SCN2A: variants seen among roughly 807,000 people sequenced by gnomAD.
SCN2A encodes the protein sodium channel protein type 2 subunit alpha.
A neutral mutation model predicts 188.7 loss-of-function variants in SCN2A; 20 were observed. That is an observed-to-expected ratio of 0.11 (90% CI 0.07 to 0.15). The LOEUF is 0.15. Among genes scored for constraint, SCN2A ranks in the 10% least tolerant of loss-of-function variants. The pLI, the probability that SCN2A is intolerant of heterozygous loss-of-function variation, is 1.00. For synonymous variants in SCN2A, 804 were observed against 833.1 expected (o/e 0.97, Z 0.60); for missense variants, 1,278 against 2,445.0 (o/e 0.52, Z 10.07).
Position 165,386,877 on chromosome 2 carries a change from C to G in SCN2A, c.4683C>G (p.Asn1561Lys), listed in dbSNP as rs1379550929. The change falls in exon 26 of 27, where the codon AAC becomes AAG. Residue 1561 changes from asparagine (N) to lysine (K), a missense_variant. By Grantham distance (94) the Asn-to-Lys change is moderately conservative. This residue lies in a region of SCN2A where 97 missense variants were observed against 266.1 expected (regional missense o/e 0.36). Transcript: ENST00000375437. ...ATGACCAGAGTCAAGAAATGACAAA[C>G]ATTCTGTACTGGATTAATCTGGTGT... ...ETDDQSQEMT[N>K]ILYWINLVFI... The G allele has an allele frequency of 1.2e-6, 2 of 1,613,812 alleles. No individual in the cohort carries two copies. Among genetic ancestry groups the G allele is most frequent in the Non-Finnish European group, 1.7e-6 (2 of 1,179,948 alleles).
chr2:165,338,485 C>T (rs978326677), intron 14 of SCN2A, among the ~76,000 whole-genome samples: 3 of 151,996 alleles, frequency 2.0e-5, no homozygotes, highest in Non-Finnish European at 4.4e-5. Context: ...TGGTCTTGAT[C>T]TCCTGACCTC....
At chr2:165,293,872 T>A (rs1696345530) in intron 1 of SCN2A, 1 of 984,934 alleles carries the variant, frequency 1.0e-6, no homozygotes, top group South Asian at 4.7e-5. Flanking sequence ...TGTGAAGGTG[T>A]TTCTCTTCAC....
chr2:165,295,755 C>T lies in SCN2A; in HGVS notation c.-51-18C>T. ...TATTCTAATGGTCATTGCTTTTTTT[C>T]CCTCCCTGTTTCTGTAGCACTTTCT... On this transcript the variant is annotated intron_variant, in intron 1 of 26. Coordinates refer to ENST00000375437, the MANE Select transcript of SCN2A (RefSeq NM_001040142.2). The T allele has an allele frequency of 1.3e-5, 21 of 1,609,120 alleles. No individual in the cohort carries two copies. In the South Asian group the frequency reaches 1.7e-4, roughly 13 times the overall value.
chr2:165,292,263 A>G (rs964318740), intron 1 of SCN2A, among the ~76,000 whole-genome samples: 1 of 152,202 alleles, frequency 6.6e-6, no homozygotes, highest in South Asian at 2.1e-4. Flanking sequence ...TAAAGTGACT[A>G]AAATATTATT....
intron 1 of SCN2A, among the ~76,000 whole-genome samples, chr2:165,250,071 T>C (rs543227508): frequency 2.6e-5 from 4 of 152,154 alleles, no homozygotes; most frequent in Admixed American, 1.3e-4. Flanking sequence ...TCTCTACACT[T>C]GTAATGTGAA....
intron 1 of SCN2A, chr2:165,269,128 T>C (rs1321879990): frequency 6.6e-6 from 1 of 151,946 alleles, no homozygotes; most frequent in Non-Finnish European, 1.5e-5. Flanking sequence ...TATTCAAAAA[T>C]TGCTATGTGT....
chr2:165,347,530 G>T (rs1312604477), intron 16 of SCN2A, among the ~76,000 whole-genome samples: 1 of 152,018 alleles, frequency 6.6e-6, no homozygotes, highest in African/African-American at 2.4e-5. Flanking sequence ...ACCATGGCAA[G>T]TGTATATGTA....
intron 20 of SCN2A, 81 bp downstream of exon 20, chr2:165,370,380 AC>A: frequency 7.7e-7 from 1 of 1,297,570 alleles, no homozygotes; most frequent in South Asian, 1.2e-5. Flanking sequence ...CAGTGTAGGC[AC>A]TCAGTAACAC....
At chr2:165,350,699 C>G (rs930312527) in intron 16 of SCN2A, among the ~76,000 whole-genome samples, 4 of 23,806 alleles carry the variant, frequency 1.7e-4, no homozygotes, top group Non-Finnish European at 3.3e-4. Context: ...GTCTCGATCT[C>G]CTGACCTCGT....
At chr2:165,297,209 A>G (rs1434685194) in intron 3 of SCN2A, 74 bp downstream of exon 3, 14 of 883,872 alleles carry the variant, frequency 1.6e-5, no homozygotes, top group Non-Finnish European at 2.7e-5. Context: ...ATTTTCCAAA[A>G]TATCTGTGGT....
At chr2:165,335,248 T>C (rs1487343816) in intron 14 of SCN2A, among the ~76,000 whole-genome samples, 1 of 151,622 alleles carries the variant, frequency 6.6e-6, no homozygotes, top group Non-Finnish European at 1.5e-5. Flanking sequence ...CAGAAAGTGA[T>C]AAATTGACTG....
intron 10 of SCN2A, 81 bp downstream of exon 10, chr2:165,314,189 GT>G: frequency 7.1e-7 from 1 of 1,406,630 alleles, no homozygotes; most frequent in Non-Finnish European, 9.9e-7. Flanking sequence ...TGGCAAGGTA[GT>G]TGACATTAGA....
chr2:165,350,720 AG>A (rs1449361425), intron 16 of SCN2A, among the ~76,000 whole-genome samples: 13 of 147,188 alleles, frequency 8.8e-5, no homozygotes, highest in Non-Finnish European at 1.5e-4. Context: ...GATCCGCCCG[AG>A]GCCTCCCAAA....
intron 17 of SCN2A, among the ~76,000 whole-genome samples, chr2:165,357,970 A>C (rs1700263688): frequency 1.3e-5 from 2 of 152,192 alleles, no homozygotes; most frequent in Admixed American, 6.5e-5. Context: ...GTAAAATAAA[A>C]ACATGCACAG....
At chr2:165,314,959 T>C (rs1031109887) in intron 10 of SCN2A, among the ~76,000 whole-genome samples, 1 of 152,212 alleles carries the variant, frequency 6.6e-6, no homozygotes, top group African/African-American at 2.4e-5. Context: ...CTGTATTATG[T>C]CTTTGCTGTG....
intron 6 of SCN2A, 108 bp from the exon 7 acceptor site, chr2:165,310,215 G>A (rs1697354955): frequency 1.1e-5 from 13 of 1,156,166 alleles, no homozygotes; most frequent in Admixed American, 3.4e-5. Flanking sequence ...AATATTGTTG[G>A]CATTCTGCAT....
intron 13 of SCN2A, 46 bp downstream of exon 13, chr2:165,327,030 G>T (rs1335274517): frequency 1.2e-6 from 2 of 1,609,674 alleles, no homozygotes; most frequent in East Asian, 4.5e-5. Context: ...CTTTGGTAAT[G>T]ATGAAAAAAC....
At chr2:165,323,046 A>G (rs1698154627) in intron 11 of SCN2A, 110 bp from the exon 12 acceptor site, 1 of 1,068,788 alleles carries the variant, frequency 9.4e-7, no homozygotes, top group African/African-American at 1.6e-5. Flanking sequence ...CCAATGACTT[A>G]TCCTTGAGTA....
intron 25 of SCN2A, among the ~76,000 whole-genome samples, chr2:165,383,592 A>G (rs1475067743): frequency 4.6e-5 from 7 of 152,166 alleles, no homozygotes; most frequent in Non-Finnish European, 1.0e-4. Flanking sequence ...TCAGTTTCAC[A>G]GAGGCCGTGT....
Sources: gnomAD v4.1 joint callset for allele counts (sites outside exome capture counted in the v4.1 genomes callset) on GRCh38, gnomAD v4.1.1 for gene constraint, gnomAD v4.1.1 regional missense constraint, MANE v1.5 for transcripts, NCBI Gene and HGNC (gene_info 2026-07-23, HGNC 2026-07-21) for gene names.